PKD2: variants seen among roughly 807,000 people sequenced by gnomAD.
PKD2 encodes polycystin 2, transient receptor potential cation channel.
In PKD2, 48 loss-of-function variants were observed where a neutral mutation model predicts 105.9. The ratio of observed to expected loss-of-function variants is 0.45; its 90% CI spans 0.36 to 0.58. The LOEUF (loss-of-function observed/expected upper bound fraction) is 0.58, where lower values mean the gene tolerates loss of function less well. Ranked by LOEUF, PKD2 falls within the 20% of genes least tolerant of loss-of-function variation. The pLI is 0.00. For missense variants in PKD2, 1,078 were observed against 1,255.3 expected, an observed-to-expected ratio of 0.86 and a Z score of 2.13; for synonymous variants, 464 against 481.1, an observed-to-expected ratio of 0.96 and a Z score of 0.46.
intron 6 of PKD2, among the ~76,000 whole-genome samples, chr4:88,048,013 A>C (rs897412278): frequency 1.3e-5 from 2 of 152,164 alleles, no homozygotes; most frequent in Non-Finnish European, 2.9e-5. Flanking sequence ...TTCAGTGTAT[A>C]AAAGAATTTT....
chr4:88,019,014 T>G lies in PKD2; in HGVS notation c.596-444T>G, dbSNP rs142527378. 6.0e-3 allele frequency among the ~76,000 whole-genome samples: 910 copies of G among 152,316 alleles called. 13 individuals are homozygous for G. Among genetic ancestry groups the G allele is most frequent in the African/African-American group, 0.021 (854 of 41,562 alleles). ...CTTTTCATCAGGGGTGACCTAAAAG[T>G]TATTACTTGAAATATAATTACATCA... On this transcript the variant is annotated intron_variant, in intron 1 of 14. Transcript: ENST00000237596.
chr4:88,024,099 G>A (rs1157315968), intron 2 of PKD2, among the ~76,000 whole-genome samples: 2 of 152,108 alleles, frequency 1.3e-5, no homozygotes, highest in African/African-American at 2.4e-5. Flanking sequence ...AATAGCAATA[G>A]TATTGCTATT....
chr4:88,050,796 A>G (rs1311100609), intron 6 of PKD2, among the ~76,000 whole-genome samples: 1 of 151,960 alleles, frequency 6.6e-6, no homozygotes, highest in African/African-American at 2.4e-5. Context: ...AAAATACAAG[A>G]TTGGCTCTGG....
At chr4:88,060,214 T>G (rs888235020) in intron 9 of PKD2, among the ~76,000 whole-genome samples, 4 of 152,114 alleles carry the variant, frequency 2.6e-5, no homozygotes, top group African/African-American at 9.7e-5. Flanking sequence ...GATCCCTGAG[T>G]TGGAAGAGAG....
intron 9 of PKD2, among the ~76,000 whole-genome samples, chr4:88,060,168 A>C (rs1420215950): frequency 6.6e-6 from 1 of 152,196 alleles, no homozygotes; most frequent in Non-Finnish European, 1.5e-5. Flanking sequence ...GGCAGGCATT[A>C]GTTAACAGCC....
chr4:88,072,148 A>G (rs1161352586), intron 13 of PKD2, among the ~76,000 whole-genome samples: 1 of 151,564 alleles, frequency 6.6e-6, no homozygotes, highest in African/African-American at 2.4e-5. Flanking sequence ...ATGCCTGGTT[A>G]ATTTTTGCAT....
intron 11 of PKD2, 121 bp from the exon 12 acceptor site, chr4:88,065,640 TA>T (rs1015956633): frequency 5.1e-6 from 6 of 1,182,550 alleles, no homozygotes; most frequent in Non-Finnish European, 7.6e-6. Context: ...GAACATGTTA[TA>T]AGAGGAAAAC....
At chr4:88,052,854 G>A (rs1029751772) in intron 7 of PKD2, among the ~76,000 whole-genome samples, 14 of 152,124 alleles carry the variant, frequency 9.2e-5, no homozygotes, top group East Asian at 3.9e-4. Flanking sequence ...AGAAGGGATC[G>A]CCTCTTTTCC....
chr4:88,065,118 A>T (rs1481058940), intron 10 of PKD2, among the ~76,000 whole-genome samples: 1 of 152,156 alleles, frequency 6.6e-6, no homozygotes, highest in African/African-American at 2.4e-5. Flanking sequence ...CTATCACATA[A>T]ACTTGAATAC....
intron 5 of PKD2, among the ~76,000 whole-genome samples, chr4:88,044,457 G>A (rs1727695696): frequency 6.6e-6 from 1 of 152,146 alleles, no homozygotes; most frequent in Non-Finnish European, 1.5e-5. Context: ...TTGTTGGATT[G>A]TCCCAGTCCT....
At position 88,008,094 on chromosome 4, in the gene PKD2, G is replaced by T. The variant is rs371898195; in HGVS notation, c.361G>T (p.Gly121Cys). ...VVEMDVEWRP[G>C]SRRSAASSAV... is the part of the protein sequence containing the mutation. ...GGAGATGGACGTAGAGTGGCGCCCG[G>T]GCAGCCGGAGGTCGGCCGCCTCCTC... is the stretch of plus-strand genomic sequence containing the variant. Residue 121 changes from glycine to cysteine, a missense_variant, in exon 1 of 15, where the codon GGC becomes TGC. By Grantham distance (159) the Gly-to-Cys change is radical. Coordinates refer to ENST00000237596, the MANE Select transcript of PKD2 (RefSeq NM_000297.4). The T allele has an allele frequency of 1.1e-4, 161 of 1,517,140 alleles. No homozygotes were observed. The highest frequency in any genetic ancestry group is 8.5e-4 in the South Asian group (70 of 81,990). The allele number at this position is 1,517,140 out of a possible 1,614,324, so 94.0% of individuals were successfully genotyped here.
chr4:88,013,896 G>T (rs1726470902), intron 1 of PKD2, among the ~76,000 whole-genome samples: 1 of 152,192 alleles, frequency 6.6e-6, no homozygotes, highest in Non-Finnish European at 1.5e-5. Flanking sequence ...ACGTTTTCCT[G>T]TAGACATTTG....
chr4:88,038,185 A>G, intron 3 of PKD2, 66 bp from the exon 4 acceptor site: 1 of 1,558,914 alleles, frequency 6.4e-7, no homozygotes, highest in Admixed American at 1.7e-5. Context: ...TATGCAAACG[A>G]TGCAGGCAGG....
In PKD2 at chr4:88,046,708, G is replaced by C; in HGVS notation, c.1386G>C (p.Leu462=). ...IPSWQFQPLK[L]IRYVTTFDFF... is the part of the protein sequence containing the mutation. ...CTTGGCAATTTCAGCCTTTAAAGCT[G>C]ATCCGATATGTCACAACTTTTGATT... Residue 462 remains leucine (L), a synonymous_variant, in exon 6 of 15, where the codon CTG becomes CTC. Coordinates refer to ENST00000237596, the MANE Select transcript of PKD2 (RefSeq NM_000297.4). 1 of 1,613,918 alleles carries C rather than the reference G, an allele frequency of 6.2e-7. No homozygotes were observed. The highest frequency in any genetic ancestry group is 8.5e-7 in the Non-Finnish European group (1 of 1,179,814).
chr4:88,013,823 AAAT>A (rs1283139474), intron 1 of PKD2, among the ~76,000 whole-genome samples: 1 of 152,156 alleles, frequency 6.6e-6, no homozygotes, highest in Non-Finnish European at 1.5e-5. Context: ...AAGGAGGGAA[AAAT>A]AATAGGAACA....
chr4:88,027,875 T>G (rs911538229), intron 2 of PKD2, among the ~76,000 whole-genome samples: 1 of 152,214 alleles, frequency 6.6e-6, no homozygotes, highest in South Asian at 2.1e-4. Flanking sequence ...GTGAAGAAGG[T>G]ACTTGCTTCT....
intron 6 of PKD2, among the ~76,000 whole-genome samples, chr4:88,051,491 T>C (rs886692352): frequency 6.6e-6 from 1 of 152,216 alleles, no homozygotes; most frequent in South Asian, 2.1e-4. Context: ...TACATAGACA[T>C]CTACTATATT....
intron 4 of PKD2, among the ~76,000 whole-genome samples, chr4:88,039,177 C>G (rs79219814): frequency 0.079 from 11,996 of 152,200 alleles, 583 homozygotes; most frequent in Middle Eastern, 0.15. Flanking sequence ...GGGTACGTCA[C>G]TGGTCGGAGT....
chr4:88,024,839 G>C (rs1726896626), intron 2 of PKD2, among the ~76,000 whole-genome samples: 1 of 152,118 alleles, frequency 6.6e-6, no homozygotes, highest in Non-Finnish European at 1.5e-5. Flanking sequence ...ATATTTTATA[G>C]AGTAGAAAAA....
Sources: allele counts gnomAD v4.1 joint callset (sites outside exome capture counted in the v4.1 genomes callset), GRCh38; gene constraint gnomAD v4.1.1; transcripts MANE v1.5; gene names NCBI Gene and HGNC (gene_info 2026-07-23, HGNC 2026-07-21).